Variants in SKAP1 observed in about 807,000 individuals in gnomAD.
The protein encoded by SKAP1 is src kinase associated phosphoprotein 1.
Under a neutral mutation model 58.5 loss-of-function variants are expected in SKAP1, and 44 were observed. The observed-to-expected ratio is 0.75, with a 90% CI of 0.59 to 0.97. The LOEUF is 0.97. SKAP1 is among the 50% of genes least tolerant of loss of function. The probability of loss-of-function intolerance (pLI) is 0.00; values close to 1 mark genes in which losing one functional copy is unlikely to be tolerated. For missense variants in SKAP1, 390 were observed against 435.2 expected, an observed-to-expected ratio of 0.90 and a Z score of 0.92; for synonymous variants, 127 against 149.7, an observed-to-expected ratio of 0.85 and a Z score of 1.11.
chr17:48,388,372 T>A (rs1277379000), intron 2 of SKAP1, among the ~76,000 whole-genome samples: 1 of 152,074 alleles, frequency 6.6e-6, no homozygotes, highest in African/African-American at 2.4e-5. Context: ...AGGCAGAGGT[T>A]GCAGTAAGCC....
intron 2 of SKAP1, among the ~76,000 whole-genome samples, chr17:48,364,833 T>C (rs1165973454): frequency 1.3e-5 from 2 of 152,222 alleles, no homozygotes; most frequent in African/African-American, 4.8e-5. Context: ...CTATCTCCTC[T>C]ATTATTTTGG....
At chr17:48,216,291 A>G (rs2064938031) in intron 4 of SKAP1, among the ~76,000 whole-genome samples, 1 of 152,214 alleles carries the variant, frequency 6.6e-6, no homozygotes, top group African/African-American at 2.4e-5. Context: ...TAGAAGCAAT[A>G]CAACTTTATA....
chr17:48,318,779 G>A (rs1231938768), intron 4 of SKAP1, among the ~76,000 whole-genome samples: 6 of 152,180 alleles, frequency 3.9e-5, no homozygotes, highest in African/African-American at 1.4e-4. Context: ...TGGGAGGATC[G>A]CTTGGAGCAT....
chr17:48,327,964 C>A (rs951837503), intron 4 of SKAP1, among the ~76,000 whole-genome samples: 2 of 152,142 alleles, frequency 1.3e-5, no homozygotes, highest in Non-Finnish European at 2.9e-5. Flanking sequence ...AAAATGGATA[C>A]TCATGCACGA....
chr17:48,202,965 C>A lies in SKAP1; in HGVS notation c.281-13465G>T, dbSNP rs545254154. 1.1e-4 allele frequency among the ~76,000 whole-genome samples: 17 copies of A among 152,254 alleles called. No homozygotes were observed. In the East Asian group the frequency reaches 3.3e-3, roughly 29 times the overall value. On this transcript the variant is annotated intron_variant, in intron 4 of 12. Transcript: ENST00000336915. ...AGCAAATCGGGATGAGGCAAAGCAT[C>A]TTTTGTCAGACCATGCAGGAGAGAG...
intron 1 of SKAP1, among the ~76,000 whole-genome samples, chr17:48,417,744 CAAA>C (rs57181313): frequency 5.9e-4 from 67 of 114,508 alleles, no homozygotes; most frequent in Admixed American, 9.3e-4. Flanking sequence ...GACTTCGTCT[CAAA>C]AAAAAAAAAA....
At chr17:48,347,119 C>T (rs184084473) in intron 3 of SKAP1, among the ~76,000 whole-genome samples, 11 of 152,184 alleles carry the variant, frequency 7.2e-5, no homozygotes, top group East Asian at 1.9e-4. Context: ...ATTCAGAAAC[C>T]GGAAGAAAAG....
At chr17:48,220,126 A>G (rs1334172548) in intron 4 of SKAP1, among the ~76,000 whole-genome samples, 2 of 152,236 alleles carry the variant, frequency 1.3e-5, no homozygotes, top group African/African-American at 2.4e-5. Flanking sequence ...AGTCTGTTGG[A>G]AAAATGTTTG....
chr17:48,415,759 C>T (rs1038011088), intron 1 of SKAP1, among the ~76,000 whole-genome samples: 8 of 152,100 alleles, frequency 5.3e-5, no homozygotes. Flanking sequence ...CCTCAGAACC[C>T]GAACCTGGCT....
At chr17:48,310,617 C>T (rs1024481797) in intron 4 of SKAP1, among the ~76,000 whole-genome samples, 4 of 152,122 alleles carry the variant, frequency 2.6e-5, no homozygotes, top group African/African-American at 9.7e-5. Context: ...TTTATTCTGA[C>T]ATTAATAATC....
intron 4 of SKAP1, among the ~76,000 whole-genome samples, chr17:48,313,205 C>T (rs1355207507): frequency 6.6e-6 from 1 of 152,034 alleles, no homozygotes; most frequent in Non-Finnish European, 1.5e-5. Flanking sequence ...ACTTAATTTC[C>T]CCTTTGAACT....
intron 2 of SKAP1, among the ~76,000 whole-genome samples, chr17:48,367,027 C>A (rs2067012513): frequency 6.6e-6 from 1 of 152,154 alleles, no homozygotes; most frequent in Admixed American, 6.5e-5. Flanking sequence ...TGATCTCAGC[C>A]ACTTCTGTGT....
intron 4 of SKAP1, among the ~76,000 whole-genome samples, chr17:48,214,241 A>T (rs2143690815): frequency 6.6e-6 from 1 of 152,334 alleles, no homozygotes; most frequent in South Asian, 2.1e-4. Flanking sequence ...ACAGAGGCAG[A>T]GAGGAGAGGA....
chr17:48,267,949 A>G (rs908821301), intron 4 of SKAP1, among the ~76,000 whole-genome samples: 3 of 152,206 alleles, frequency 2.0e-5, no homozygotes, highest in African/African-American at 7.2e-5. Flanking sequence ...TATTATGCCC[A>G]TTTTACAGAT....
chr17:48,432,055 T>C (rs1481429328), upstream of SKAP1, among the ~76,000 whole-genome samples: 1 of 152,112 alleles, frequency 6.6e-6, no homozygotes, highest in Non-Finnish European at 1.5e-5. Flanking sequence ...CTGCAGTAAA[T>C]TGGGGTGAGG....
At chr17:48,326,413 C>T (rs2066437447) in intron 4 of SKAP1, among the ~76,000 whole-genome samples, 2 of 152,242 alleles carry the variant, frequency 1.3e-5, no homozygotes, top group South Asian at 4.2e-4. Flanking sequence ...CTCTATAGGT[C>T]AAATGGCTCA....
chr17:48,149,114 C>A (rs936929516), intron 11 of SKAP1, among the ~76,000 whole-genome samples: 1 of 152,194 alleles, frequency 6.6e-6, no homozygotes, highest in African/African-American at 2.4e-5. Flanking sequence ...CAGGGCCAAC[C>A]CTGTCTCTGC....
intron 11 of SKAP1, among the ~76,000 whole-genome samples, chr17:48,155,184 A>G (rs376764131): frequency 2.7e-5 from 4 of 150,600 alleles, no homozygotes; most frequent in African/African-American, 9.7e-5. Context: ...CTGGAGTGCA[A>G]TGGCATGATC....
intron 4 of SKAP1, among the ~76,000 whole-genome samples, chr17:48,278,846 A>G (rs868333836): frequency 1.3e-5 from 2 of 152,252 alleles, no homozygotes; most frequent in South Asian, 2.1e-4. Context: ...CAGGTACTGG[A>G]AAGACATCCA....
Sources: allele counts gnomAD v4.1 joint callset (sites outside exome capture counted in the v4.1 genomes callset), GRCh38; gene constraint gnomAD v4.1.1; transcripts MANE v1.5; gene names NCBI Gene and HGNC (gene_info 2026-07-23, HGNC 2026-07-21).